The following PHIP variants were observed in gnomAD, a reference collection of about 807,000 sequenced individuals.
The protein encoded by PHIP is PH-interacting protein.
PHIP carries 54 observed loss-of-function variants against 236.8 expected under a neutral mutation model. The ratio of observed to expected loss-of-function variants is 0.23; its 90% CI spans 0.18 to 0.29. The LOEUF (loss-of-function observed/expected upper bound fraction) is 0.29, where lower values mean the gene tolerates loss of function less well. PHIP is among the 10% of genes least tolerant of loss of function. PHIP has a pLI of 1.00. For missense variants in PHIP, 1,370 were observed against 2,190.8 expected (o/e 0.63, Z 7.48); for synonymous variants, 756 against 718.9 (o/e 1.05, Z -0.83).
At chr6:78,961,880 G>T in intron 30 of PHIP, 70 bp from the exon 31 acceptor site, 2 of 1,247,456 alleles carry the variant, frequency 1.6e-6, no homozygotes, top group Non-Finnish European at 2.2e-6. Flanking sequence ...AATTCTGCTT[G>T]AATTAAGACT....
At chr6:78,970,650 G>C (rs1383391550) in intron 25 of PHIP, 131 bp downstream of exon 25, 8 of 629,994 alleles carry the variant, frequency 1.3e-5, no homozygotes, top group Admixed American at 3.2e-5. Context: ...TACTCTCTAG[G>C]ACTGCTTCAA....
At chr6:79,020,181 T>G (rs1771045268) in intron 9 of PHIP, among the ~76,000 whole-genome samples, 2 of 152,002 alleles carry the variant, frequency 1.3e-5, no homozygotes, top group Non-Finnish European at 2.9e-5. Context: ...AAAAAAAAGC[T>G]TTTTACCATT....
intron 23 of PHIP, among the ~76,000 whole-genome samples, chr6:78,980,573 G>C (rs1572584): frequency 2.6e-5 from 4 of 151,716 alleles, no homozygotes; most frequent in Non-Finnish European, 4.4e-5. Flanking sequence ...CGGGTTTGAG[G>C]AAAAAGCTTG....
rs1768964021 is a variant in PHIP, at chr6:78,987,837, T to TA, written c.2460+371dup. ...TGTCAAATACTTATTGATTTGTTGT[T>TA]ATACTTACACTACACTACAGCTTCA... On this transcript the variant is annotated intron_variant, in intron 21 of 39. Coordinates refer to ENST00000275034, the MANE Select transcript of PHIP (RefSeq NM_017934.7). Among the ~76,000 whole-genome samples the TA allele has an allele frequency of 3.3e-5, 5 of 152,326 alleles. No individual in the cohort carries two copies. The South Asian group carries it at 1.0e-3, about 32-fold the overall frequency.
At chr6:79,075,074 AC>A (rs1774081767) in intron 4 of PHIP, among the ~76,000 whole-genome samples, 2 of 152,170 alleles carry the variant, frequency 1.3e-5, no homozygotes, top group Admixed American at 6.5e-5. Context: ...ATATACAACA[AC>A]GTAAAACTTT....
intron 15 of PHIP, among the ~76,000 whole-genome samples, chr6:79,014,222 G>A (rs1416411221): frequency 1.3e-5 from 2 of 151,696 alleles, no homozygotes; most frequent in African/African-American, 2.4e-5. Flanking sequence ...CATCACATTC[G>A]TGTAATTTTT....
intron 4 of PHIP, among the ~76,000 whole-genome samples, chr6:79,070,985 C>T (rs1773856647): frequency 6.6e-6 from 1 of 152,174 alleles, no homozygotes; most frequent in African/African-American, 2.4e-5. Flanking sequence ...CCATAGCCAT[C>T]TGTACTGTCA....
chr6:79,063,836 G>A (rs1395464342), intron 4 of PHIP, among the ~76,000 whole-genome samples: 1 of 152,106 alleles, frequency 6.6e-6, no homozygotes, highest in Non-Finnish European at 1.5e-5. Flanking sequence ...TGGCATCAGG[G>A]AACACATATC....
intron 35 of PHIP, among the ~76,000 whole-genome samples, chr6:78,949,418 C>T (rs1774014799): frequency 6.6e-6 from 1 of 152,144 alleles, no homozygotes; most frequent in African/African-American, 2.4e-5. Flanking sequence ...CTCTCACACA[C>T]TAAGCCAGTA....
intron 4 of PHIP, among the ~76,000 whole-genome samples, chr6:79,062,569 G>C (rs541975417): frequency 6.6e-6 from 1 of 152,260 alleles, no homozygotes; most frequent in East Asian, 1.9e-4. Flanking sequence ...CTTCAGATGT[G>C]TGATGATCCT....
rs376053692 is a variant in PHIP, at chr6:78,944,115, GA to G, written c.4828+1184del. On this transcript the variant is annotated intron_variant, in intron 39 of 39. Coordinates refer to ENST00000275034, the MANE Select transcript of PHIP (RefSeq NM_017934.7). Reference sequence around the variant, plus strand: ...GGCAACAGACAATTAAACTAGGAGGGAAAAAAAGACATTCCCCCAAAAGGAG... The same window carrying G: ...GGCAACAGACAATTAAACTAGGAGGGAAAAAAGACATTCCCCCAAAAGGAG... Among the ~76,000 whole-genome samples, 958 of 151,652 alleles carry G rather than the reference GA, an allele frequency of 6.3e-3. 19 individuals carry two copies. The highest frequency in any genetic ancestry group is 0.022 in the African/African-American group (903 of 41,356).
chr6:78,947,365 C>G (rs1773881304), intron 36 of PHIP, among the ~76,000 whole-genome samples: 1 of 152,174 alleles, frequency 6.6e-6, no homozygotes. Flanking sequence ...CCAGATGGCT[C>G]TGGTGCATAC....
Position 79,049,342 on chromosome 6 carries a change from G to A in PHIP, c.440-6339C>T, listed in dbSNP as rs573832319. On this transcript the variant is annotated intron_variant, in intron 6 of 39. Coordinates refer to ENST00000275034, the MANE Select transcript of PHIP (RefSeq NM_017934.7). ...TTCCCAAAGTGCTGGGATTACAGGC[G>A]TGAGCCACCATGGCTGGTCTTGACT... 5.3e-5 allele frequency among the ~76,000 whole-genome samples: 8 copies of A among 152,236 alleles called. No homozygotes were observed. In the East Asian group the frequency reaches 1.5e-3, roughly 29 times the overall value.
chr6:79,068,873 A>G (rs1178740573), intron 4 of PHIP, among the ~76,000 whole-genome samples: 1 of 152,146 alleles, frequency 6.6e-6, no homozygotes, highest in African/African-American at 2.4e-5. Flanking sequence ...CCTCTAGTAT[A>G]TAATTATTAT....
chr6:79,028,037 A>C (rs923385121), intron 7 of PHIP, among the ~76,000 whole-genome samples: 30 of 152,244 alleles, frequency 2.0e-4, no homozygotes, highest in African/African-American at 6.5e-4. Flanking sequence ...TAATAATATC[A>C]TTATTATTAT....
chr6:78,995,761 A>C (rs922329811), intron 19 of PHIP, among the ~76,000 whole-genome samples: 11 of 152,192 alleles, frequency 7.2e-5, no homozygotes, highest in African/African-American at 2.7e-4. Flanking sequence ...TATGTTACTT[A>C]GCCCCCTGTT....
intron 34 of PHIP, 37 bp from the exon 35 acceptor site, chr6:78,955,000 C>CACTT: frequency 7.0e-7 from 1 of 1,418,948 alleles, no homozygotes; most frequent in South Asian, 1.4e-5. Context: ...AATAAAAGAG[C>CACTT]ACTTACACAA....
Position 78,968,757 on chromosome 6 carries a change from A to C in PHIP, c.3205+1078T>G, listed in dbSNP as rs1031185580. Among the ~76,000 whole-genome samples, 3 of 152,110 alleles carry C rather than the reference A, an allele frequency of 2.0e-5. No individual in the cohort carries two copies. In the East Asian group the frequency reaches 5.8e-4, roughly 29 times the overall value. On this transcript the variant is annotated intron_variant, in intron 27 of 39. Transcript: ENST00000275034. Reference sequence around the variant, plus strand: ...AATTAATAATTGCTTCATTTTTTTAATGCTTGGTTTTCAGTGAATTTACAA... The same window carrying C: ...AATTAATAATTGCTTCATTTTTTTACTGCTTGGTTTTCAGTGAATTTACAA...
At chr6:78,992,952 G>T (rs576682152) in intron 19 of PHIP, among the ~76,000 whole-genome samples, 2 of 152,194 alleles carry the variant, frequency 1.3e-5, no homozygotes, top group East Asian at 1.9e-4. Context: ...TATGCCTCTT[G>T]TGCCCAACAA....
Sources: gnomAD v4.1 joint callset for allele counts (sites outside exome capture counted in the v4.1 genomes callset) on GRCh38, gnomAD v4.1.1 for gene constraint, MANE v1.5 for transcripts, NCBI Gene and HGNC (gene_info 2026-07-23, HGNC 2026-07-21) for gene names.